Variants in RREB1 observed in about 807,000 individuals in gnomAD.
The protein encoded by RREB1 is ras responsive element binding protein 1.
Under a neutral mutation model 117.8 loss-of-function variants are expected in RREB1, and 27 were observed. That is an observed-to-expected ratio of 0.23 (90% CI 0.17 to 0.32). The LOEUF (loss-of-function observed/expected upper bound fraction) is 0.32, where lower values mean the gene tolerates loss of function less well. Among genes scored for constraint, RREB1 ranks in the 10% least tolerant of loss-of-function variants. RREB1 has a pLI of 1.00. For missense variants in RREB1, 2,577 were observed against 2,378.2 expected (o/e 1.08, Z -1.74); for synonymous variants, 1,298 against 1,026.7 (o/e 1.26, Z -5.05).
intron 8 of RREB1, chr6:7,217,928 T>G (rs1024601221): frequency 6.6e-6 from 1 of 152,222 alleles, no homozygotes; most frequent in Non-Finnish European, 1.5e-5. Context: ...TTTACTCTTA[T>G]AAACAGCTGT....
At position 7,231,202 on chromosome 6, in the gene RREB1, C is replaced by T. The variant is rs114306690; in HGVS notation, c.3103C>T (p.Leu1035Phe). Residue 1035 changes from leucine (L) to phenylalanine (F), a missense_variant, in exon 10 of 13, where the codon CTC becomes TTC. Physicochemically the swap from Leu to Phe is conservative, Grantham distance 22. Coordinates refer to ENST00000379938, the MANE Select transcript of RREB1 (RefSeq NM_001003699.4). ...CCCTCCACTCGTGGGCAGCTCAGCCCTCCTGAGTGGCACAGCCTTGCTGCG... is the reference window on the plus strand; with the variant it reads ...CCCTCCACTCGTGGGCAGCTCAGCCTTCCTGAGTGGCACAGCCTTGCTGCG... ...SSPPLVGSSA[L>F]LSGTALLRPL... The T allele has an allele frequency of 7.0e-5, 113 of 1,612,230 alleles. No individual in the cohort carries two copies. The highest frequency in any genetic ancestry group is 9.2e-5 in the Non-Finnish European group (108 of 1,179,640).
At chr6:7,151,621 A>C (rs1763127076) in intron 1 of RREB1, among the ~76,000 whole-genome samples, 1 of 152,206 alleles carries the variant, frequency 6.6e-6, no homozygotes, top group African/African-American at 2.4e-5. Context: ...ATTTAGGTGC[A>C]AGTTGGTAGA....
chr6:7,196,126 C>T (rs1413370727), intron 6 of RREB1, among the ~76,000 whole-genome samples: 1 of 152,066 alleles, frequency 6.6e-6, no homozygotes, highest in East Asian at 1.9e-4. Context: ...TGTGTGCACA[C>T]TCTTCCAGAT....
chr6:7,176,681 T>TG lies in RREB1; in HGVS notation c.-256dup. 6.5e-6 allele frequency: 1 copy of TG among 152,866 alleles called. No homozygotes were observed. The highest frequency in any genetic ancestry group is 2.4e-5 in the African/African-American group (1 of 41,520). 9.5% of individuals were successfully genotyped at this position (152,866 alleles called of 1,614,324 possible). On this transcript the variant is annotated 5_prime_UTR_variant, in exon 2 of 13. It introduces an in-frame stop codon into an upstream open reading frame of the 5' UTR. Transcript: ENST00000379938. Reference sequence around the variant, plus strand: ...TTGCTCCGACTGTGTGTTCCAGGAGTGGTGGCTCTGAGGTGTGACCCTGCC... The same window carrying TG: ...TTGCTCCGACTGTGTGTTCCAGGAGTGGGTGGCTCTGAGGTGTGACCCTGCC...
At chr6:7,113,358 A>G (rs901207052) in intron 1 of RREB1, among the ~76,000 whole-genome samples, 1 of 152,220 alleles carries the variant, frequency 6.6e-6, no homozygotes, top group Admixed American at 6.5e-5. Flanking sequence ...CCCCCTTTTC[A>G]GAGACTATGG....
intron 12 of RREB1, 117 bp downstream of exon 12, chr6:7,247,338 C>T (rs1268557918): frequency 2.5e-5 from 23 of 912,884 alleles, no homozygotes; most frequent in Non-Finnish European, 3.4e-5. Flanking sequence ...CTTACGTTGC[C>T]GGTGTGCCCT....
chr6:7,171,229 C>G (rs187094435), intron 1 of RREB1, among the ~76,000 whole-genome samples: 1 of 152,190 alleles, frequency 6.6e-6, no homozygotes, highest in Non-Finnish European at 1.5e-5. Flanking sequence ...CAAACTCTTG[C>G]CCGCTGCAAC....
intron 1 of RREB1, among the ~76,000 whole-genome samples, chr6:7,120,023 G>A (rs543366692): frequency 3.3e-5 from 5 of 152,176 alleles, no homozygotes; most frequent in Middle Eastern, 3.4e-3. Flanking sequence ...ACAGTGAAAC[G>A]CTGGATTAGT....
At chr6:7,243,025 C>G (rs1408526211) in intron 11 of RREB1, among the ~76,000 whole-genome samples, 4 of 152,176 alleles carry the variant, frequency 2.6e-5, no homozygotes, top group Non-Finnish European at 5.9e-5. Context: ...TTGTAGGCAC[C>G]TACATAGGGC....
chr6:7,236,570 A>G (rs1470729310), intron 10 of RREB1, among the ~76,000 whole-genome samples: 6 of 152,096 alleles, frequency 3.9e-5, no homozygotes, highest in Admixed American at 3.9e-4. Flanking sequence ...AAAGAAAGAA[A>G]CCTGCCTGCA....
chr6:7,189,028 A>T, intron 5 of RREB1, 131 bp from the exon 6 acceptor site: 1 of 837,032 alleles, frequency 1.2e-6, no homozygotes, highest in Non-Finnish European at 1.8e-6. Flanking sequence ...AAAGATATTT[A>T]AAATGAAAGA....
At chr6:7,141,617 G>A (rs994855628) in intron 1 of RREB1, among the ~76,000 whole-genome samples, 1 of 152,172 alleles carries the variant, frequency 6.6e-6, no homozygotes, top group African/African-American at 2.4e-5. Context: ...TGGCTTCCCC[G>A]ATGGCTATTT....
At chr6:7,222,945 T>C (rs1767348110) in intron 8 of RREB1, among the ~76,000 whole-genome samples, 1 of 152,118 alleles carries the variant, frequency 6.6e-6, no homozygotes, top group Non-Finnish European at 1.5e-5. Context: ...GGCTGTGCAC[T>C]AGTACAGAAG....
At chr6:7,135,318 G>A (rs980025882) in intron 1 of RREB1, among the ~76,000 whole-genome samples, 2 of 152,196 alleles carry the variant, frequency 1.3e-5, no homozygotes, top group African/African-American at 4.8e-5. Flanking sequence ...AAGGATGGAA[G>A]CTATTGGAAA....
chr6:7,158,180 A>G (rs1236411805), intron 1 of RREB1, among the ~76,000 whole-genome samples: 1 of 151,942 alleles, frequency 6.6e-6, no homozygotes, highest in Non-Finnish European at 1.5e-5. Context: ...CTTCCCAAGC[A>G]CCATTTAGTG....
In RREB1 at chr6:7,230,008, G is replaced by A. The variant is rs779307650; in HGVS notation, c.1909G>A (p.Ala637Thr). The change falls in exon 10 of 13, where the codon GCC becomes ACC. Residue 637 changes from alanine to threonine, a missense_variant. Coordinates refer to ENST00000379938, the MANE Select transcript of RREB1 (RefSeq NM_001003699.4). ...MTAPGGKKTP[A>T]MRKVLYPCRF... ...AGCGCCCGGCGGCAAGAAGACGCCC[G>A]CCATGCGCAAGGTGCTCTACCCCTG... The A allele has an allele frequency of 1.9e-5, 31 of 1,608,736 alleles. No individual in the cohort carries two copies. The highest frequency in any genetic ancestry group is 2.3e-5 in the Non-Finnish European group (27 of 1,176,408).
chr6:7,151,800 T>C (rs1044889486), intron 1 of RREB1, among the ~76,000 whole-genome samples: 1 of 152,192 alleles, frequency 6.6e-6, no homozygotes, highest in Non-Finnish European at 1.5e-5. Context: ...ACGGGAACAG[T>C]GTGTAAAAGT....
chr6:7,205,591 A>G (rs984689819), intron 6 of RREB1, among the ~76,000 whole-genome samples: 18 of 152,112 alleles, frequency 1.2e-4, no homozygotes, highest in African/African-American at 4.3e-4. Flanking sequence ...CCCATTCCCA[A>G]ATCTAATGAC....
At position 7,231,121 on chromosome 6, in the gene RREB1, C is replaced by G. The variant is rs558907117; in HGVS notation, c.3022C>G (p.Leu1008Val). ...CACCCCGGAACCCCCAGCACAGCCC[C>G]TGCAGGGCCCTGTTCAGCTGGCGGT... ...AATPEPPAQPLQGPVQLAVPI... is the reference protein window; with the variant it reads ...AATPEPPAQPVQGPVQLAVPI... The change falls in exon 10 of 13, where the codon CTG (leucine) becomes GTG (valine). Residue 1008 changes from leucine to valine, a missense_variant. Transcript: ENST00000379938. 11 of 1,612,756 alleles carry G rather than the reference C, an allele frequency of 6.8e-6. No homozygotes were observed. The highest frequency in any genetic ancestry group is 7.6e-6 in the Non-Finnish European group (9 of 1,179,946).
Sources: gnomAD v4.1 joint callset for allele counts (sites outside exome capture counted in the v4.1 genomes callset) on GRCh38, gnomAD v4.1.1 for gene constraint, MANE v1.5 for transcripts, NCBI Gene and HGNC (gene_info 2026-07-23, HGNC 2026-07-21) for gene names.